Variants in DNAH10 observed in about 807,000 individuals in gnomAD.
DNAH10 encodes the protein dynein axonemal heavy chain 10.
Under a neutral mutation model 506.6 loss-of-function variants are expected in DNAH10, and 348 were observed. The ratio of observed to expected loss-of-function variants is 0.69; its 90% CI spans 0.63 to 0.75. The LOEUF is 0.75. Among genes scored for constraint, DNAH10 ranks in the 30% least tolerant of loss-of-function variants. The pLI, the probability that DNAH10 is intolerant of heterozygous loss-of-function variation, is 0.00. For synonymous variants in DNAH10, 2,059 were observed against 2,198.6 expected, an observed-to-expected ratio of 0.94 and a Z score of 1.78; for missense variants, 5,179 against 5,787.1, an observed-to-expected ratio of 0.89 and a Z score of 3.41.
chr12:123,863,509 C>T (rs1167829096), intron 39 of DNAH10, among the ~76,000 whole-genome samples: 1 of 152,166 alleles, frequency 6.6e-6, no homozygotes, highest in Non-Finnish European at 1.5e-5. Flanking sequence ...AGCAGGACTG[C>T]ACTCCCTCCG....
chr12:123,934,685 C>T lies in DNAH10; in HGVS notation c.13542C>T (p.Ile4514=). Residue 4514 remains isoleucine, a synonymous_variant, in exon 78 of 79, where the codon ATC becomes ATT. Coordinates refer to ENST00000673944, the MANE Select transcript of DNAH10 (RefSeq NM_001372106.1). The part of the protein sequence containing the change: ...ADWDIEKGCL[I]KSKPKVLVVD... The stretch of plus-strand genomic sequence containing the variant: ...GGGATATAGAAAAAGGATGTCTTAT[C>T]AAGAGCAAACCCAAGGTGCTGGTTG... 1 of 1,613,738 alleles carries T rather than the reference C, an allele frequency of 6.2e-7. No homozygotes were observed. Among genetic ancestry groups the T allele is most frequent in the South Asian group, 1.1e-5 (1 of 90,996 alleles).
intron 35 of DNAH10, 120 bp downstream of exon 35, chr12:123,851,196 T>C: frequency 9.1e-7 from 1 of 1,103,892 alleles, no homozygotes; most frequent in Non-Finnish European, 1.2e-6. Flanking sequence ...CTAGGATGTG[T>C]CAGCTCCATG....
chr12:123,888,982 G>C (rs1189025126), intron 52 of DNAH10, among the ~76,000 whole-genome samples: 2 of 152,092 alleles, frequency 1.3e-5, no homozygotes, highest in African/African-American at 4.8e-5. Context: ...TTATTGTATT[G>C]CTGTGTTATT....
At chr12:123,896,140 CACACACACAGAGAGAG>C (rs972182880) in intron 54 of DNAH10, among the ~76,000 whole-genome samples, 2 of 114,106 alleles carry the variant, frequency 1.8e-5, no homozygotes. Context: ...CACACACACA[CACACACACAGAGAGAG>C]AGAGAGAGAG....
chr12:123,868,761 C>T (rs914338129), intron 43 of DNAH10, among the ~76,000 whole-genome samples: 1 of 152,160 alleles, frequency 6.6e-6, no homozygotes, highest in Non-Finnish European at 1.5e-5. Flanking sequence ...ATACTCCTTA[C>T]CTGGTGGTCT....
intron 50 of DNAH10, among the ~76,000 whole-genome samples, chr12:123,880,676 A>G (rs1333477814): frequency 6.6e-6 from 1 of 151,110 alleles, no homozygotes; most frequent in African/African-American, 2.4e-5. Flanking sequence ...AATGCTTTAA[A>G]TTCTAGGGTA....
At chr12:123,796,881 T>G (rs1405478808) in intron 13 of DNAH10, 49 bp downstream of exon 13, 8 of 1,528,016 alleles carry the variant, frequency 5.2e-6, no homozygotes, top group Non-Finnish European at 6.1e-6. Flanking sequence ...GATTTTTTTT[T>G]TTTTTTTGAG....
chr12:123,875,506 A>C lies in DNAH10; in HGVS notation c.8199+15A>C. On this transcript the variant is annotated intron_variant, in intron 47 of 78. Transcript: ENST00000673944. ...GCCACACCTCGGTAACTTGATTTTA[A>C]CTAGAAGTCTAAACCGGAAGACCTT... is the stretch of plus-strand genomic sequence containing the variant. The C allele has an allele frequency of 6.2e-7, 1 of 1,612,830 alleles. No individual in the cohort carries two copies. The highest frequency in any genetic ancestry group is 8.5e-7 in the Non-Finnish European group (1 of 1,178,958).
chr12:123,808,939 G>A lies in DNAH10; in HGVS notation c.3130G>A (p.Val1044Met), dbSNP rs374128515. 2.4e-5 allele frequency: 38 copies of A among 1,613,976 alleles called. 1 individual carries two copies. Among genetic ancestry groups the A allele is most frequent in the East Asian group, 4.5e-5 (2 of 44,884 alleles). The change falls in exon 19 of 79, where the codon GTG (valine) becomes ATG (methionine). Residue 1044 changes from valine (V) to methionine (M), a missense_variant. Coordinates refer to ENST00000673944, the MANE Select transcript of DNAH10 (RefSeq NM_001372106.1). ...GTGCTTCCATTGTGTCCGGAATTGC[G>A]TGGAGATCACCAAGGTGAGAGCGGA... ...KMCFHCVRNC[V>M]EITKHFVRWM...
chr12:123,878,605 A>C (rs1302635243), intron 48 of DNAH10, among the ~76,000 whole-genome samples: 1 of 152,192 alleles, frequency 6.6e-6, no homozygotes, highest in Non-Finnish European at 1.5e-5. Context: ...TCTTAGAAAA[A>C]GGAGCTGTCG....
At chr12:123,805,773 C>CTT (rs779610748) in intron 18 of DNAH10, among the ~76,000 whole-genome samples, 7 of 138,708 alleles carry the variant, frequency 5.0e-5, no homozygotes, top group Admixed American at 2.2e-4. Flanking sequence ...CTCTTCTTTT[C>CTT]TTTTTTTTTT....
chr12:123,916,061 C>T lies in DNAH10; in HGVS notation c.10723-396C>T, dbSNP rs1001318874. On this transcript the variant is annotated intron_variant, in intron 62 of 78. Transcript: ENST00000673944. This position sits in a 1 kb window ranked among gnomAD's most constrained non-coding sequence, Gnocchi z 4.6. ...AGGGGAACAGTCTGCCTCCAAAATGCACATGGAGCTATCAGGGAGCAAATA... is the reference window on the plus strand; with the variant it reads ...AGGGGAACAGTCTGCCTCCAAAATGTACATGGAGCTATCAGGGAGCAAATA... 2.8e-4 allele frequency among the ~76,000 whole-genome samples: 42 copies of T among 152,158 alleles called. No homozygotes were observed. Among genetic ancestry groups the T allele is most frequent in the African/African-American group, 8.9e-4 (37 of 41,436 alleles).
At chr12:123,765,906 A>G (rs1957026767) in intron 1 of DNAH10, among the ~76,000 whole-genome samples, 1 of 148,508 alleles carries the variant, frequency 6.7e-6, no homozygotes, top group Non-Finnish European at 1.5e-5. Flanking sequence ...TTACCTATAC[A>G]TCTATCCCTC....
In DNAH10 at chr12:123,783,232, G is replaced by A. The variant is rs1957729521; in HGVS notation, c.967G>A (p.Ala323Thr). Residue 323 changes from alanine (A) to threonine (T), a missense_variant, in exon 7 of 79, where the codon GCG becomes ACG. Physicochemically the swap from Ala to Thr is moderately conservative, Grantham distance 58 (BLOSUM62 0). Coordinates refer to ENST00000673944, the MANE Select transcript of DNAH10 (RefSeq NM_001372106.1). ...VINWLNQIST[A>T]VEAQLKKTPQ... ...AAACTGGCTGAATCAGATATCCACAGCGGTTGAGGCCCAACTGAAGAAGAC... is the reference window on the plus strand; with the variant it reads ...AAACTGGCTGAATCAGATATCCACAACGGTTGAGGCCCAACTGAAGAAGAC... 6.2e-7 allele frequency: 1 copy of A among 1,614,156 alleles called. No individual in the cohort carries two copies. Among genetic ancestry groups the A allele is most frequent in the Non-Finnish European group, 8.5e-7 (1 of 1,180,036 alleles).
At chr12:123,862,432 C>T (rs552336262) in intron 39 of DNAH10, among the ~76,000 whole-genome samples, 12 of 151,852 alleles carry the variant, frequency 7.9e-5, no homozygotes, top group African/African-American at 2.2e-4. Flanking sequence ...GCTCTGTTGC[C>T]CAGGCTAAGT....
Position 123,928,846 on chromosome 12 carries a change from A to C in DNAH10, c.12306+259A>C. On this transcript the variant is annotated intron_variant, in intron 70 of 78. Transcript: ENST00000673944. This position sits in a 1 kb window ranked among gnomAD's most constrained non-coding sequence, Gnocchi z 4.9. ...TAACAATATCTACGCTACTTTTCATAAACTTCACGGCCCCCCCCCCCACAC... is the reference window on the plus strand; with the variant it reads ...TAACAATATCTACGCTACTTTTCATCAACTTCACGGCCCCCCCCCCCACAC... 1 of 521,316 alleles carries C rather than the reference A, an allele frequency of 1.9e-6. No homozygotes were observed. The highest frequency in any genetic ancestry group is 3.3e-6 in the Non-Finnish European group (1 of 304,304). The allele number at this position is 521,316 out of a possible 1,614,324, so 32.3% of individuals were successfully genotyped here. A position where few individuals can be genotyped will look rare whatever the true frequency, so the allele number is the denominator to read the frequency against.
chr12:123,885,665 G>GTCCTTA (rs1191454914), intron 51 of DNAH10, among the ~76,000 whole-genome samples: 11 of 152,140 alleles, frequency 7.2e-5, no homozygotes, highest in Admixed American at 6.6e-5. Context: ...GGAAAAAAGT[G>GTCCTTA]TCCTTATTAA....
rs1173801859 is a variant in DNAH10 at position 123,918,771 on chromosome 12, G to A, written c.11328G>A (p.Leu3776=). 3 of 1,612,610 alleles carry A rather than the reference G, an allele frequency of 1.9e-6. No homozygotes were observed. The East Asian group carries it at 6.7e-5, about 36-fold the overall frequency. ...CAGCAGCCAGGAGGGGGGCCATCCT[G>A]TTCTTCGTCCTGTCTGAGATGGCCC... is the stretch of plus-strand genomic sequence containing the variant. ...YRPAARRGAI[L]FFVLSEMALV... The change falls in exon 65 of 79, where the codon CTG becomes CTA. Residue 3776 remains leucine, a synonymous_variant. Coordinates refer to ENST00000673944, the MANE Select transcript of DNAH10 (RefSeq NM_001372106.1).
intron 11 of DNAH10, among the ~76,000 whole-genome samples, chr12:123,792,355 AC>A (rs1454290683): frequency 6.6e-6 from 1 of 151,916 alleles, no homozygotes. Context: ...GCCTCTAAAT[AC>A]TTAAACATAT....
Sources: allele counts gnomAD v4.1 joint callset (sites outside exome capture counted in the v4.1 genomes callset), GRCh38; gene constraint gnomAD v4.1.1; non-coding constraint Gnocchi (gnomAD v3.1); transcripts MANE v1.5; gene names NCBI Gene and HGNC (gene_info 2026-07-23, HGNC 2026-07-21).